KBTBD11: variants seen among roughly 807,000 people sequenced by gnomAD.
KBTBD11 encodes kelch repeat and BTB domain containing 11.
For synonymous variants in KBTBD11, 747 were observed against 499.0 expected (o/e 1.50, Z -6.63); for missense variants, 1,390 against 1,001.8 (o/e 1.39, Z -5.23).
intron 1 of KBTBD11, among the ~76,000 whole-genome samples, chr8:1,982,078 G>A (rs950130199): frequency 6.6e-6 from 1 of 152,224 alleles, no homozygotes; most frequent in Non-Finnish European, 1.5e-5. Flanking sequence ...GGGATATACA[G>A]CACAAAAAGC....
At chr8:1,980,055 A>G (rs1317218988) in intron 1 of KBTBD11, among the ~76,000 whole-genome samples, 1 of 152,098 alleles carries the variant, frequency 6.6e-6, no homozygotes, top group Non-Finnish European at 1.5e-5. Context: ...CAATTACCTG[A>G]AAGTGCTGTG....
At chr8:1,979,144 G>A (rs1816451892) in intron 1 of KBTBD11, among the ~76,000 whole-genome samples, 1 of 152,286 alleles carries the variant, frequency 6.6e-6, no homozygotes, top group East Asian at 1.9e-4. Flanking sequence ...CGATGGTGGT[G>A]GGGCAAGTCT....
rs531397755 is a variant in KBTBD11, at chr8:2,004,838, A to T, written c.*1774A>T. On this transcript the variant is annotated 3_prime_UTR_variant, in exon 2 of 2. Transcript: ENST00000320248. ...GAAACAGTATTTACAGCAAAAGGAA[A>T]CAAATAATGTTCATTTTAAGCAATG... 6.0e-6 allele frequency: 1 copy of T among 167,222 alleles called. No individual in the cohort carries two copies. Among genetic ancestry groups the T allele is most frequent in the South Asian group, 2.1e-4 (1 of 4,824 alleles). The allele number at this position is 167,222 out of a possible 1,614,324, so 10.4% of individuals were successfully genotyped here.
In KBTBD11 at chr8:2,001,168, G is replaced by A. The variant is rs1406211089; in HGVS notation, c.-25G>A. ...GCAGGCTGCGGAACCGGGGGCGCGC[G>A]GGCGCAGCGCAGCACAGCCCGGCCA... On this transcript the variant is annotated 5_prime_UTR_variant, in exon 2 of 2. Coordinates refer to ENST00000320248, the MANE Select transcript of KBTBD11 (RefSeq NM_014867.3). 5.4e-6 allele frequency: 7 copies of A among 1,298,032 alleles called. No individual in the cohort carries two copies. In the South Asian group the frequency reaches 6.8e-5, roughly 13 times the overall value. 80.4% of individuals were successfully genotyped at this position (1,298,032 alleles called of 1,614,324 possible). A position where few individuals can be genotyped will look rare whatever the true frequency, so the allele number is the denominator to read the frequency against.
intron 1 of KBTBD11, among the ~76,000 whole-genome samples, chr8:1,974,160 G>A (rs1417512409): frequency 1.4e-5 from 2 of 139,150 alleles, no homozygotes; most frequent in African/African-American, 2.7e-5. Context: ...CGGGAGAGGA[G>A]GGGGCAGCGC....
chr8:1,974,756 G>C, intron 1 of KBTBD11: 1 of 951,530 alleles, frequency 1.1e-6, no homozygotes, highest in Non-Finnish European at 1.3e-6. Flanking sequence ...TGAAAAGAGG[G>C]TGAACCAAAG....
Position 1,985,976 on chromosome 8 carries a change from A to T in KBTBD11, c.-909+12041A>T, listed in dbSNP as rs1231841501. Among the ~76,000 whole-genome samples the T allele has an allele frequency of 3.9e-5, 6 of 152,266 alleles. No homozygotes were observed. The East Asian group carries it at 1.2e-3, about 29-fold the overall frequency. ...ACTCCCGCGTGGCAATTGCAGGACC[A>T]TCTGGATATGAAACTGTCTCTTCCT... is the stretch of plus-strand genomic sequence containing the variant. On this transcript the variant is annotated intron_variant, in intron 1 of 1. Coordinates refer to ENST00000320248, the MANE Select transcript of KBTBD11 (RefSeq NM_014867.3).
chr8:1,993,946 C>G (rs1223431311), intron 1 of KBTBD11, among the ~76,000 whole-genome samples: 7 of 151,402 alleles, frequency 4.6e-5, no homozygotes, highest in African/African-American at 7.3e-5. Context: ...CACACACACA[C>G]ACACACACAC....
At chr8:1,982,625 T>C (rs1816576761) in intron 1 of KBTBD11, among the ~76,000 whole-genome samples, 1 of 152,060 alleles carries the variant, frequency 6.6e-6, no homozygotes, top group Admixed American at 6.5e-5. Context: ...TAAGATAAAA[T>C]CCACTTCAAG....
chr8:2,004,221 AC>A lies in KBTBD11; in HGVS notation c.*1160del, dbSNP rs1259685115. The A allele has an allele frequency of 1.2e-5, 2 of 167,022 alleles. No individual in the cohort carries two copies. Among genetic ancestry groups the A allele is most frequent in the East Asian group, 1.9e-4 (1 of 5,206 alleles). 10.3% of individuals were successfully genotyped at this position (167,022 alleles called of 1,614,324 possible). A position where few individuals can be genotyped will look rare whatever the true frequency, so the allele number is the denominator to read the frequency against. On this transcript the variant is annotated 3_prime_UTR_variant, in exon 2 of 2. Transcript: ENST00000320248. ...ATTGTATTGAATTGAGTTCCAAAAT[AC>A]CCTAATAGAATTAACACGAGGCTCA...
chr8:1,999,644 G>C (rs1817268983), intron 1 of KBTBD11, among the ~76,000 whole-genome samples: 1 of 152,142 alleles, frequency 6.6e-6, no homozygotes, highest in South Asian at 2.1e-4. Flanking sequence ...TAGGCTGTTT[G>C]GATAATTGCT....
chr8:1,974,886 C>T, intron 1 of KBTBD11: 1 of 192,022 alleles, frequency 5.2e-6, no homozygotes, highest in Non-Finnish European at 9.6e-6. Context: ...ACTCAGCCCA[C>T]GAAAGGCGCC....
intron 1 of KBTBD11, among the ~76,000 whole-genome samples, chr8:1,988,163 G>T (rs939453863): frequency 4.6e-5 from 7 of 152,146 alleles, no homozygotes; most frequent in Non-Finnish European, 7.3e-5. Flanking sequence ...CCAAGTCTTT[G>T]CTATTGTGAA....
chr8:1,999,965 C>T (rs985222449), intron 1 of KBTBD11, among the ~76,000 whole-genome samples: 2 of 152,162 alleles, frequency 1.3e-5, no homozygotes, highest in Admixed American at 1.3e-4. Flanking sequence ...TGCTTTTGAC[C>T]TACAGAACTA....
Position 2,001,333 on chromosome 8 carries a change from A to G in KBTBD11, c.141A>G (p.Glu47=), listed in dbSNP as rs183228973. ...LGASLCFSSG[E]ESPPQSLASA... ...CGTCCCTGTGCTTCAGCTCCGGGGA[A>G]GAGTCCCCGCCGCAGTCCCTCGCCT... is the stretch of plus-strand genomic sequence containing the variant. Residue 47 remains glutamate, a synonymous_variant, in exon 2 of 2, where the codon GAA becomes GAG. Coordinates refer to ENST00000320248, the MANE Select transcript of KBTBD11 (RefSeq NM_014867.3). The G allele has an allele frequency of 8.4e-4, 1,266 of 1,513,776 alleles. 7 individuals are homozygous for G. The Middle Eastern group carries it at 0.014, about 16-fold the overall frequency. The allele number at this position is 1,513,776 out of a possible 1,614,324, so 93.8% of individuals were successfully genotyped here. A position where few individuals can be genotyped will look rare whatever the true frequency, so the allele number is the denominator to read the frequency against.
chr8:2,002,289 G>A lies in KBTBD11; in HGVS notation c.1097G>A (p.Gly366Asp). Residue 366 changes from glycine to aspartate, a missense_variant, in exon 2 of 2, where the codon GGC becomes GAC. Gly to Asp is a moderately conservative substitution (Grantham distance 94). Transcript: ENST00000320248. The surrounding 1 kb of genome is among the most constrained non-coding windows in gnomAD (Gnocchi z 4.1). ...TACAACTACCTCTTCGTGGCGGGCGGCGTGGCGCCCGCGGGCCCCGACGGC... is the reference window on the plus strand; with the variant it reads ...TACAACTACCTCTTCGTGGCGGGCGACGTGGCGCCCGCGGGCCCCGACGGC... ...VLYNYLFVAG[G>D]VAPAGPDGRA... 7.5e-7 allele frequency: 1 copy of A among 1,332,624 alleles called. No homozygotes were observed. The highest frequency in any genetic ancestry group is 9.5e-7 in the Non-Finnish European group (1 of 1,050,830). The allele number at this position is 1,332,624 out of a possible 1,614,324, so 82.5% of individuals were successfully genotyped here. A position where few individuals can be genotyped will look rare whatever the true frequency, so the allele number is the denominator to read the frequency against.
At position 2,003,955 on chromosome 8, in the gene KBTBD11, T is replaced by C. The variant is rs999577900; in HGVS notation, c.*891T>C. 20 of 166,996 alleles carry C rather than the reference T, an allele frequency of 1.2e-4. No homozygotes were observed. The East Asian group carries it at 3.8e-3, about 32-fold the overall frequency. The allele number at this position is 166,996 out of a possible 1,614,324, so 10.3% of individuals were successfully genotyped here. ...GCCGCTTTCATAATCTGGAACGAGA[T>C]AAAATATTCCTAAAAAGCGGGGAAA... is the stretch of plus-strand genomic sequence containing the variant. On this transcript the variant is annotated 3_prime_UTR_variant, in exon 2 of 2. Coordinates refer to ENST00000320248, the MANE Select transcript of KBTBD11 (RefSeq NM_014867.3).
chr8:2,001,256 A>G lies in KBTBD11; in HGVS notation c.64A>G (p.Ser22Gly). ...GACTGAGCCCGGGGCTGCCGGGGAG[A>G]GCGAGAGCGAGGGCGCCGCGTCCCC... ...PGTEPGAAGE[S>G]ESEGAASPAQ... Residue 22 changes from serine (S) to glycine (G), a missense_variant, in exon 2 of 2, where the codon AGC (serine) becomes GGC (glycine). Ser to Gly is a moderately conservative substitution (Grantham distance 56). Transcript: ENST00000320248. 3 of 1,504,568 alleles carry G rather than the reference A, an allele frequency of 2.0e-6. No individual in the cohort carries two copies. The highest frequency in any genetic ancestry group is 2.6e-6 in the Non-Finnish European group (3 of 1,132,674). The allele number at this position is 1,504,568 out of a possible 1,614,324, so 93.2% of individuals were successfully genotyped here.
At chr8:1,980,253 G>A (rs1326238252) in intron 1 of KBTBD11, among the ~76,000 whole-genome samples, 3 of 109,120 alleles carry the variant, frequency 2.7e-5, no homozygotes, top group Non-Finnish European at 5.6e-5. Flanking sequence ...TTTGAGATGG[G>A]GTCTTGCTCT....
Sources: allele counts gnomAD v4.1 joint callset (sites outside exome capture counted in the v4.1 genomes callset), GRCh38; gene constraint gnomAD v4.1.1; non-coding constraint Gnocchi (gnomAD v3.1); transcripts MANE v1.5; gene names NCBI Gene and HGNC (gene_info 2026-07-23, HGNC 2026-07-21).